Variants in LHFPL3 observed in about 807,000 individuals in gnomAD.
LHFPL3 encodes the protein LHFPL tetraspan subfamily member 3.
LHFPL3 carries 5 observed loss-of-function variants against 19.3 expected under a neutral mutation model. That is an observed-to-expected ratio of 0.26 (90% CI 0.14 to 0.54). The LOEUF is 0.54. LHFPL3 is among the 20% of genes least tolerant of loss of function. LHFPL3 has a pLI of 0.94. For synonymous variants in LHFPL3, 133 were observed against 126.2 expected, an observed-to-expected ratio of 1.05 and a Z score of -0.36; for missense variants, 249 against 307.4, an observed-to-expected ratio of 0.81 and a Z score of 1.42.
intron 1 of LHFPL3, among the ~76,000 whole-genome samples, chr7:104,593,927 C>G (rs1265821951): frequency 6.6e-6 from 1 of 152,100 alleles, no homozygotes; most frequent in South Asian, 2.1e-4. Context: ...TTATTTTGAG[C>G]CTATGTGCGT....
chr7:104,865,506 A>G (rs1286858795), intron 2 of LHFPL3, among the ~76,000 whole-genome samples: 2 of 152,300 alleles, frequency 1.3e-5, no homozygotes, highest in Non-Finnish European at 1.5e-5. Context: ...GAAATGAAGC[A>G]AGAAGACAAG....
chr7:104,428,433 G>A (rs980050760), intron 1 of LHFPL3, among the ~76,000 whole-genome samples: 6 of 152,132 alleles, frequency 3.9e-5, no homozygotes, highest in South Asian at 2.1e-4. Context: ...CAAAGGAGCC[G>A]TTGTCTTTTC....
At chr7:104,796,415 T>C (rs1158463568) in intron 2 of LHFPL3, 1 of 152,178 alleles carries the variant, frequency 6.6e-6, no homozygotes, top group Admixed American at 6.5e-5. Flanking sequence ...ATCCAAGTCA[T>C]TGGAGGAACC....
chr7:104,535,960 G>C (rs963971493), intron 1 of LHFPL3, among the ~76,000 whole-genome samples: 2 of 152,130 alleles, frequency 1.3e-5, no homozygotes, highest in African/African-American at 4.8e-5. Flanking sequence ...GTGCTCATTG[G>C]CACAGTCAGT....
intron 2 of LHFPL3, among the ~76,000 whole-genome samples, chr7:104,806,901 T>C (rs1394329153): frequency 6.6e-6 from 1 of 152,108 alleles, no homozygotes; most frequent in Non-Finnish European, 1.5e-5. Flanking sequence ...ACAATACTCT[T>C]GGAAATCCTC....
At chr7:104,673,682 C>A (rs559923467) in intron 1 of LHFPL3, among the ~76,000 whole-genome samples, 14 of 152,292 alleles carry the variant, frequency 9.2e-5, no homozygotes, top group Admixed American at 2.0e-4. Flanking sequence ...TGATGAAGGG[C>A]AAATTTGCCT....
chr7:104,557,171 C>A (rs1485943021), intron 1 of LHFPL3, among the ~76,000 whole-genome samples: 1 of 152,182 alleles, frequency 6.6e-6, no homozygotes. Flanking sequence ...GTTCCAAAGT[C>A]GCTTTCACAT....
At chr7:104,561,025 G>C (rs571914113) in intron 1 of LHFPL3, among the ~76,000 whole-genome samples, 2 of 151,738 alleles carry the variant, frequency 1.3e-5, no homozygotes, top group East Asian at 3.9e-4. Context: ...GTTCTAGTTT[G>C]ATTGCACTGT....
chr7:104,609,082 T>C (rs1350573580), intron 1 of LHFPL3, among the ~76,000 whole-genome samples: 1 of 151,738 alleles, frequency 6.6e-6, no homozygotes, highest in Non-Finnish European at 1.5e-5. Flanking sequence ...CTGACCAACA[T>C]GGTGAAACCC....
intron 1 of LHFPL3, among the ~76,000 whole-genome samples, chr7:104,728,220 G>A (rs1562974649): frequency 1.3e-5 from 2 of 152,098 alleles, no homozygotes; most frequent in Non-Finnish European, 2.9e-5. Flanking sequence ...GCCCTGTAGA[G>A]CCATGTACCT....
At chr7:104,845,379 C>G in intron 2 of LHFPL3, 4 of 1,512,240 alleles carry the variant, frequency 2.6e-6, no homozygotes, top group Non-Finnish European at 3.6e-6. Flanking sequence ...CCCACACTCT[C>G]AGATGATGGA....
intron 1 of LHFPL3, among the ~76,000 whole-genome samples, chr7:104,458,033 AG>A (rs1333707109): frequency 6.7e-6 from 1 of 150,370 alleles, no homozygotes; most frequent in Non-Finnish European, 1.5e-5. Context: ...TCAGATGAGT[AG>A]GTTGTGAAAA....
chr7:104,394,098 T>G (rs977322396), intron 1 of LHFPL3, among the ~76,000 whole-genome samples: 1 of 152,372 alleles, frequency 6.6e-6, no homozygotes, highest in East Asian at 1.9e-4. Context: ...TTGCTTAGTA[T>G]GTGAATTATG....
chr7:104,698,230 T>C (rs1347442249), intron 1 of LHFPL3, among the ~76,000 whole-genome samples: 1 of 152,216 alleles, frequency 6.6e-6, no homozygotes, highest in African/African-American at 2.4e-5. Context: ...AATTCAGACA[T>C]ATAAGAACAA....
chr7:104,707,669 T>A (rs1028541535), intron 1 of LHFPL3, among the ~76,000 whole-genome samples: 38 of 152,320 alleles, frequency 2.5e-4, no homozygotes, highest in African/African-American at 9.1e-4. Flanking sequence ...TTTTTGTGTA[T>A]TTTTCTTTAT....
chr7:104,663,831 T>C (rs927614193), intron 1 of LHFPL3, among the ~76,000 whole-genome samples: 2 of 152,264 alleles, frequency 1.3e-5, no homozygotes, highest in East Asian at 3.9e-4. Context: ...GTCTTTGGAG[T>C]TGGGTGCTCA....
intron 2 of LHFPL3, among the ~76,000 whole-genome samples, chr7:104,857,063 A>ACC (rs1283974831): frequency 6.6e-6 from 1 of 152,018 alleles, no homozygotes; most frequent in East Asian, 1.9e-4. Context: ...ATCTCATTTC[A>ACC]CCCGCGTGAT....
At chr7:104,693,683 C>T (rs1204794055) in intron 1 of LHFPL3, among the ~76,000 whole-genome samples, 1 of 151,834 alleles carries the variant, frequency 6.6e-6, no homozygotes, top group Admixed American at 6.6e-5. Context: ...GTCAATTAAA[C>T]CTCTTTTCTT....
intron 1 of LHFPL3, among the ~76,000 whole-genome samples, chr7:104,440,040 G>T (rs534183220): frequency 8.4e-5 from 12 of 143,634 alleles, no homozygotes; most frequent in African/African-American, 2.5e-4. Flanking sequence ...AAGCCTGGGG[G>T]GGGGGAGGGA....
Sources: allele counts gnomAD v4.1 joint callset (sites outside exome capture counted in the v4.1 genomes callset), GRCh38; gene constraint gnomAD v4.1.1; transcripts MANE v1.5; gene names NCBI Gene and HGNC (gene_info 2026-07-23, HGNC 2026-07-21).